Variants in LSAMP observed in about 807,000 individuals in gnomAD.
LSAMP encodes limbic system associated membrane protein.
Under a neutral mutation model 38.6 loss-of-function variants are expected in LSAMP, and 7 were observed. The ratio of observed to expected loss-of-function variants is 0.18; its 90% confidence interval spans 0.10 to 0.34. The LOEUF is 0.34. LSAMP is among the 10% of genes least tolerant of loss of function. LSAMP has a pLI of 1.00. For synonymous variants in LSAMP, 154 were observed against 166.8 expected (o/e 0.92, Z 0.59); for missense variants, 313 against 420.0 (o/e 0.75, Z 2.23).
rs535373128 is a variant in LSAMP at position 116,209,543 on chromosome 3, T to A, written c.156-122987A>T. 2.0e-5 allele frequency among the ~76,000 whole-genome samples: 3 copies of A among 152,140 alleles called. No homozygotes were observed. The South Asian group carries it at 6.2e-4, about 32-fold the overall frequency. On this transcript the variant is annotated intron_variant, in intron 1 of 6. Coordinates refer to ENST00000490035, the MANE Select transcript of LSAMP (RefSeq NM_002338.5). ...ATTATGGAAGCCAGTAAGGTTCAAA[T>A]TGATATGTTTTGTGTACACTGTGGT...
intron 1 of LSAMP, among the ~76,000 whole-genome samples, chr3:116,280,039 A>C (rs1347532976): frequency 6.6e-6 from 1 of 152,256 alleles, no homozygotes; most frequent in East Asian, 1.9e-4. Flanking sequence ...CACATAAAAA[A>C]ATAAATACTG....
At chr3:116,056,190 A>G (rs1216629698) in intron 2 of LSAMP, among the ~76,000 whole-genome samples, 1 of 152,302 alleles carries the variant, frequency 6.6e-6, no homozygotes. Context: ...GAAAGACTAT[A>G]AACTCGGGAA....
intron 3 of LSAMP, among the ~76,000 whole-genome samples, chr3:115,886,864 G>A (rs913277747): frequency 6.6e-6 from 1 of 151,970 alleles, no homozygotes; most frequent in East Asian, 1.9e-4. Context: ...GAGATACCAA[G>A]TCTACTTCTT....
intron 3 of LSAMP, among the ~76,000 whole-genome samples, chr3:115,934,867 C>A (rs1279901559): frequency 6.6e-6 from 1 of 152,106 alleles, no homozygotes; most frequent in Non-Finnish European, 1.5e-5. Context: ...TGTTATGTAT[C>A]TTCCCTTCCT....
chr3:116,284,433 A>G (rs1028438563), intron 1 of LSAMP, among the ~76,000 whole-genome samples: 4 of 152,174 alleles, frequency 2.6e-5, no homozygotes, highest in Non-Finnish European at 5.9e-5. Flanking sequence ...CTTCAAAAGG[A>G]CCTTGGAAGG....
At chr3:116,251,806 G>A (rs1053113295) in intron 1 of LSAMP, among the ~76,000 whole-genome samples, 3 of 152,206 alleles carry the variant, frequency 2.0e-5, no homozygotes, top group African/African-American at 7.2e-5. Flanking sequence ...CCAAAATTCA[G>A]TTATGTAGCT....
chr3:116,348,569 G>A (rs2048094415), intron 1 of LSAMP, among the ~76,000 whole-genome samples: 1 of 152,104 alleles, frequency 6.6e-6, no homozygotes, highest in Non-Finnish European at 1.5e-5. Context: ...GGCCATGACT[G>A]TGTAATCACC....
At chr3:115,875,769 AATC>A (rs1936164693) in intron 3 of LSAMP, among the ~76,000 whole-genome samples, 1 of 152,102 alleles carries the variant, frequency 6.6e-6, no homozygotes, top group South Asian at 2.1e-4. Flanking sequence ...GTTAAAAAAA[AATC>A]ATAGTTCCCA....
intron 6 of LSAMP, among the ~76,000 whole-genome samples, chr3:115,833,779 T>TG (rs36126360): frequency 0.48 from 73,543 of 151,842 alleles, 19,116 homozygotes; most frequent in African/African-American, 0.69. Context: ...GGTCTTTGAG[T>TG]CTATTTGCAA....
intron 1 of LSAMP, among the ~76,000 whole-genome samples, chr3:116,261,319 T>TG (rs2046822549): frequency 6.6e-6 from 1 of 152,224 alleles, no homozygotes; most frequent in Admixed American, 6.5e-5. Flanking sequence ...AGAAGGGGGA[T>TG]GCCAGATTGC....
At chr3:116,308,015 T>G (rs1248620896) in intron 1 of LSAMP, among the ~76,000 whole-genome samples, 1 of 151,970 alleles carries the variant, frequency 6.6e-6, no homozygotes, top group Non-Finnish European at 1.5e-5. Context: ...AGATGTTTAA[T>G]GCATTCGTAA....
chr3:116,279,908 T>G (rs76401299), intron 1 of LSAMP, among the ~76,000 whole-genome samples: 3,276 of 152,304 alleles, frequency 0.022, 116 homozygotes, highest in African/African-American at 0.074. Flanking sequence ...TAAATGTTAA[T>G]AATACATTGA....
intron 1 of LSAMP, among the ~76,000 whole-genome samples, chr3:116,401,457 T>C (rs1005584066): frequency 6.6e-6 from 1 of 152,182 alleles, no homozygotes. Flanking sequence ...AATCTTTGTA[T>C]AATTTGTAGA....
At chr3:116,432,141 C>T (rs1237450075) in intron 1 of LSAMP, among the ~76,000 whole-genome samples, 1 of 151,772 alleles carries the variant, frequency 6.6e-6, no homozygotes, top group South Asian at 2.1e-4. Context: ...TATATCGTAT[C>T]TGTTTACATG....
chr3:115,967,964 G>T (rs566658212), intron 3 of LSAMP, among the ~76,000 whole-genome samples: 5 of 152,104 alleles, frequency 3.3e-5, no homozygotes, highest in Admixed American at 3.3e-4. Context: ...GTCCCTCCCT[G>T]TGACCACCAC....
At chr3:116,420,462 C>T (rs2049107260) in intron 1 of LSAMP, among the ~76,000 whole-genome samples, 1 of 152,150 alleles carries the variant, frequency 6.6e-6, no homozygotes, top group South Asian at 2.1e-4. Context: ...GAAAACTCGG[C>T]ATGAAGTACT....
At chr3:116,213,499 G>A (rs2046186423) in intron 1 of LSAMP, among the ~76,000 whole-genome samples, 2 of 152,160 alleles carry the variant, frequency 1.3e-5, no homozygotes, top group African/African-American at 2.4e-5. Flanking sequence ...TTTGTAAAGT[G>A]CTCAGTCTTG....
intron 1 of LSAMP, among the ~76,000 whole-genome samples, chr3:116,264,029 CA>C (rs1271936521): frequency 6.6e-6 from 1 of 152,084 alleles, no homozygotes; most frequent in Non-Finnish European, 1.5e-5. Flanking sequence ...AACAGGATGG[CA>C]ATAAAACAAG....
chr3:116,010,047 G>C (rs1235868732), intron 3 of LSAMP, among the ~76,000 whole-genome samples: 5 of 152,056 alleles, frequency 3.3e-5, no homozygotes, highest in African/African-American at 9.7e-5. Context: ...CTCCCAAGTA[G>C]CTGGGACTAT....
Sources: gnomAD v4.1 joint callset for allele counts (sites outside exome capture counted in the v4.1 genomes callset) on GRCh38, gnomAD v4.1.1 for gene constraint, MANE v1.5 for transcripts, NCBI Gene and HGNC (gene_info 2026-07-23, HGNC 2026-07-21) for gene names.